The following CACNA1F variants were observed in gnomAD, a reference collection of about 807,000 sequenced individuals.
CACNA1F encodes calcium voltage-gated channel subunit alpha1 F.
A neutral mutation model predicts 143.8 loss-of-function variants in CACNA1F; 59 were observed. The observed-to-expected ratio is 0.41, with a 90% confidence interval of 0.33 to 0.51. The LOEUF (loss-of-function observed/expected upper bound fraction) is 0.51, where lower values mean the gene tolerates loss of function less well. CACNA1F is among the 20% of genes least tolerant of loss of function. CACNA1F has a pLI of 0.22. For synonymous variants in CACNA1F, 643 were observed against 649.1 expected, an observed-to-expected ratio of 0.99 and a Z score of 0.14; for missense variants, 1,411 against 1,647.5, an observed-to-expected ratio of 0.86 and a Z score of 2.48.
intron 21 of CACNA1F, 49 bp downstream of exon 21, chrX:49,219,272 C>T (rs1557108224): frequency 1.7e-6 from 2 of 1,182,408 alleles, no homozygotes; most frequent in Non-Finnish European, 2.3e-6. Context: ...CCCACTAGGA[C>T]ACCCCTGGGA....
At chrX:49,232,810 CTT>C in intron 1 of CACNA1F, among the ~76,000 whole-genome samples, 1 of 109,858 alleles carries the variant, frequency 9.1e-6, no homozygotes, top group Admixed American at 9.8e-5. Context: ...CTCTTTCTCT[CTT>C]TTGTTTTTGT....
chrX:49,220,404 T>G (rs1764846698), intron 19 of CACNA1F, 69 bp downstream of exon 19: 1 of 792,015 alleles, frequency 1.3e-6, no homozygotes, highest in African/African-American at 2.0e-5. Flanking sequence ...GTCTCAGGGG[T>G]CAGGAGCTGT....
At position 49,211,562 on chromosome X, in the gene CACNA1F, A is replaced by G. The variant is rs1246342017; in HGVS notation, c.4101-81T>C. 9 of 857,802 alleles carry G rather than the reference A, an allele frequency of 1.0e-5. No homozygotes were observed. The South Asian group carries it at 1.2e-4, about 12-fold the overall frequency. 70.7% of individuals were successfully genotyped at this position (857,802 alleles called of 1,213,427 possible). ...AAATGGAGTTGGGGGAGGACTGGGG[A>G]ATGAGGAGATGACCTACTTCTCACC... On this transcript the variant is annotated intron_variant, in intron 35 of 47. Transcript: ENST00000323022.
At chrX:49,225,779 T>C in intron 13 of CACNA1F, 130 bp downstream of exon 13, 1 of 496,555 alleles carries the variant, frequency 2.0e-6, no homozygotes, top group East Asian at 3.7e-5. Context: ...GGCTAAGGGC[T>C]CTGGATTTAT....
intron 35 of CACNA1F, 70 bp from the exon 36 acceptor site, chrX:49,211,551 G>T: frequency 1.1e-6 from 1 of 933,470 alleles, no homozygotes; most frequent in African/African-American, 1.9e-5. Flanking sequence ...GGAGTTGGGG[G>T]AGGACTGGGG....
Position 49,230,341 on chromosome X carries a change from C to G in CACNA1F, c.696G>C (p.Lys232Asn). 8.3e-7 allele frequency: 1 copy of G among 1,210,559 alleles called. No individual in the cohort carries two copies. ...CAATGTGCAGCAGCGGCACCAGAGC[C>G]TTCATGATGGAATTGAGCACTATGT... is the stretch of plus-strand genomic sequence containing the variant. ...SLHIVLNSIM[K>N]ALVPLLHIAL... is the part of the protein sequence containing the mutation. The change falls in exon 6 of 48, where the codon AAG (lysine) becomes AAC (asparagine). Residue 232 changes from lysine (K) to asparagine (N), a missense_variant. This residue lies in a region of CACNA1F where 950 missense variants were observed against 1,128.1 expected (regional missense o/e 0.84). Transcript: ENST00000323022.
chrX:49,205,902 A>G (rs2065591010), intron 46 of CACNA1F, 89 bp from the exon 47 acceptor site: 3 of 802,911 alleles, frequency 3.7e-6, no homozygotes, highest in East Asian at 3.5e-5. Context: ...TCTTTCCCTC[A>G]GTATACAACT....
In CACNA1F at chrX:49,230,904, C is replaced by T; in HGVS notation, c.467G>A (p.Ser156Asn). Residue 156 changes from serine to asparagine, a missense_variant, in exon 4 of 48, where the codon AGC becomes AAC. Physicochemically the swap from Ser to Asn is conservative, Grantham distance 46 (BLOSUM62 1). This residue lies in a region of CACNA1F where 950 missense variants were observed against 1,128.1 expected (regional missense o/e 0.84). Coordinates refer to ENST00000323022, the MANE Select transcript of CACNA1F (RefSeq NM_001256789.3). ...IVAYGLVLHP[S>N]AYIRNGWNLL... ...GTTCCAGCCATTGCGGATGTAGGCG[C>T]TGGGGTGGAGCACCAGCCCGTAGGC... 8.4e-7 allele frequency: 1 copy of T among 1,187,481 alleles called. No homozygotes were observed. The highest frequency in any genetic ancestry group is 1.8e-5 in the African/African-American group (1 of 57,071).
rs35212576 is a variant in CACNA1F, at chrX:49,211,402, C to T, written c.4180G>A (p.Gly1394Ser). Residue 1394 changes from glycine to serine, a missense_variant, in exon 36 of 48, where the codon GGC (glycine) becomes AGC (serine). By Grantham distance (56) the Gly-to-Ser change is moderately conservative (BLOSUM62 0). Transcript: ENST00000323022. Reference sequence around the variant, plus strand: ...CCACAGGTAAACTCTTCACCAGGGCCGAAGTCAGACTCAGGATCACACCGA... The same window carrying T: ...CCACAGGTAAACTCTTCACCAGGGCTGAAGTCAGACTCAGGATCACACCGA... Reference protein sequence around the residue: ...GNRCDPESDFGPGEEFTCGSN... With the variant: ...GNRCDPESDFSPGEEFTCGSN... 354 of 1,207,523 alleles carry T rather than the reference C, an allele frequency of 2.9e-4. No individual in the cohort carries two copies. The African/African-American group carries it at 5.4e-3, about 19-fold the overall frequency.
intron 46 of CACNA1F, among the ~76,000 whole-genome samples, 169 bp from the exon 47 acceptor site, chrX:49,205,982 A>G (rs1445449613): frequency 8.9e-6 from 1 of 111,887 alleles, no homozygotes. Context: ...GCCTGGGTTT[A>G]AATGTCAGCT....
intron 35 of CACNA1F, 31 bp from the exon 36 acceptor site, chrX:49,211,512 G>A (rs1557106266): frequency 4.3e-6 from 5 of 1,164,619 alleles, no homozygotes; most frequent in African/African-American, 1.8e-5. Flanking sequence ...GTAGCATCCT[G>A]AAGGGGAGGC....
chrX:49,209,108 T>A (rs1557105586), intron 42 of CACNA1F, 154 bp downstream of exon 42: 1 of 630,831 alleles, frequency 1.6e-6, no homozygotes, highest in Admixed American at 2.7e-5. Context: ...ATTATAGGCA[T>A]GAGCCACCAC....
chrX:49,223,165 C>A, intron 14 of CACNA1F, 29 bp from the exon 15 acceptor site: 1 of 1,011,794 alleles, frequency 9.9e-7, no homozygotes, highest in Non-Finnish European at 1.4e-6. Flanking sequence ...GGGGCAGGGT[C>A]GATGCCATGT....
Position 49,231,216 on chromosome X carries a change from C to A in CACNA1F, c.367G>T (p.Ala123Ser), listed in dbSNP as rs2065875840. ...IPFPEDDSNT[A>S]NHNLEQVEYV... ...GCGGGCCTTACCAGGTTGTGGTTGG[C>A]AGTGTTGGAGTCGTCCTCAGGGAAG... is the stretch of plus-strand genomic sequence containing the variant. Residue 123 changes from alanine (A) to serine (S), a missense_variant, in exon 3 of 48, where the codon GCC becomes TCC. By Grantham distance (99) the Ala-to-Ser change is moderately conservative. Transcript: ENST00000323022. The A allele has an allele frequency of 8.7e-6, 10 of 1,155,562 alleles. No individual in the cohort carries two copies. Among genetic ancestry groups the A allele is most frequent in the Non-Finnish European group, 1.0e-5 (9 of 862,342 alleles).
chrX:49,230,116 G>A, intron 6 of CACNA1F, 104 bp downstream of exon 6: 1 of 721,709 alleles, frequency 1.4e-6, no homozygotes, highest in Non-Finnish European at 2.0e-6. Flanking sequence ...CCTGAGCCTG[G>A]GGGCCGAATC....
chrX:49,232,750 T>C (rs782770883), intron 1 of CACNA1F, among the ~76,000 whole-genome samples: 40 of 111,693 alleles, frequency 3.6e-4, no homozygotes, highest in African/African-American at 1.2e-3. Context: ...ACACTCAGTC[T>C]AACTCTAGAG....
rs1557108250 is a variant in CACNA1F, at chrX:49,219,332, A to T, written c.2662T>A (p.Phe888Ile). 1 of 1,209,054 alleles carries T rather than the reference A, an allele frequency of 8.3e-7. No individual in the cohort carries two copies. Among genetic ancestry groups the T allele is most frequent in the Admixed American group, 2.2e-5 (1 of 45,874 alleles). Residue 888 changes from phenylalanine to isoleucine, a missense_variant, in exon 21 of 48, where the codon TTC becomes ATC. Physicochemically the swap from Phe to Ile is conservative, Grantham distance 21 (BLOSUM62 0). Coordinates refer to ENST00000323022, the MANE Select transcript of CACNA1F (RefSeq NM_001256789.3). The part of the protein sequence containing the change: ...AAEDPIRAHS[F>I]RNHILGYFDY... ...AGCCAAAGGCTCACATGGTTGCGGA[A>T]GGAGTGGGCTCGGATGGGGTCCTCA...
chrX:49,230,201 G>C lies in CACNA1F; in HGVS notation c.817+19C>G. The C allele has an allele frequency of 8.4e-7, 1 of 1,190,663 alleles. No individual in the cohort carries two copies. Among genetic ancestry groups the C allele is most frequent in the Non-Finnish European group, 1.1e-6 (1 of 880,812 alleles). On this transcript the variant is annotated intron_variant, in intron 6 of 47. Transcript: ENST00000323022. ...GAAGGAGGGGGCATGTTCTGCCTAG[G>C]AGGGGCGGGCAGACTAACCGGATCC...
chrX:49,225,974 A>G lies in CACNA1F; in HGVS notation c.1586T>C (p.Phe529Ser). 8.5e-7 allele frequency: 1 copy of G among 1,172,297 alleles called. No homozygotes were observed. Among genetic ancestry groups the G allele is most frequent in the South Asian group, 1.9e-5 (1 of 52,974 alleles). The change falls in exon 13 of 48, where the codon TTC becomes TCC. Residue 529 changes from phenylalanine to serine, a missense_variant. Transcript: ENST00000323022. ...AGAGGCGATGGTCAACGTGTTGAGG[A>G]AGACGAGCAACAGCACAGCCCAGTA... ...ACYWAVLLLVFLNTLTIASEH... is the reference protein window; with the variant it reads ...ACYWAVLLLVSLNTLTIASEH...
Sources: allele counts gnomAD v4.1 joint callset (sites outside exome capture counted in the v4.1 genomes callset), GRCh38; gene constraint gnomAD v4.1.1; regional missense constraint gnomAD v4.1.1; transcripts MANE v1.5; gene names NCBI Gene and HGNC (gene_info 2026-07-23, HGNC 2026-07-21).